The following TET1 variants were observed in gnomAD, a reference collection of about 807,000 sequenced individuals.
TET1 encodes the protein methylcytosine dioxygenase TET1.
Under a neutral mutation model 148.7 loss-of-function variants are expected in TET1, and 13 were observed. That is an observed-to-expected ratio of 0.09 (90% CI 0.06 to 0.14). The LOEUF (loss-of-function observed/expected upper bound fraction) is 0.14, where lower values mean the gene tolerates loss of function less well. TET1 is among the 10% of genes least tolerant of loss of function. The pLI, the probability that TET1 is intolerant of heterozygous loss-of-function variation, is 1.00. For synonymous variants in TET1, 907 were observed against 937.2 expected (o/e 0.97, Z 0.59); for missense variants, 2,182 against 2,553.8 (o/e 0.85, Z 3.14).
chr10:68,569,322 G>A (rs1407512366), intron 1 of TET1, among the ~76,000 whole-genome samples: 3 of 151,706 alleles, frequency 2.0e-5, no homozygotes, highest in Non-Finnish European at 4.4e-5. Flanking sequence ...ACAGGTGCCC[G>A]CCACCAGGCC....
At chr10:68,636,954 GA>G (rs1334826102) in intron 3 of TET1, among the ~76,000 whole-genome samples, 5 of 110,114 alleles carry the variant, frequency 4.5e-5, no homozygotes, top group South Asian at 3.4e-4. Context: ...TTTAGCAGCT[GA>G]CTTTTGTTTT....
intron 2 of TET1, among the ~76,000 whole-genome samples, chr10:68,578,901 C>T (rs779635345): frequency 8.6e-5 from 13 of 152,024 alleles, no homozygotes; most frequent in Non-Finnish European, 1.5e-4. Flanking sequence ...CCTGTGGTCC[C>T]AGCTACTTGG....
rs538324486 is a variant in TET1, at chr10:68,693,898, T to C, written c.*2084T>C. The C allele has an allele frequency of 1.1e-4, 25 of 228,388 alleles. No individual in the cohort carries two copies. The highest frequency in any genetic ancestry group is 1.9e-4 in the Non-Finnish European group (22 of 115,608). 14.1% of individuals were successfully genotyped at this position (228,388 alleles called of 1,614,324 possible). A position where few individuals can be genotyped will look rare whatever the true frequency, so the allele number is the denominator to read the frequency against. On this transcript the variant is annotated 3_prime_UTR_variant, in exon 12 of 12. Coordinates refer to ENST00000373644, the MANE Select transcript of TET1 (RefSeq NM_030625.3). The stretch of plus-strand genomic sequence containing the variant: ...GCTCTTTATGCATCCACTCATCTAC[T>C]CATTCTTCGAGTCTACACTTATTGA...
chr10:68,578,974 G>A (rs778661099), intron 2 of TET1, among the ~76,000 whole-genome samples: 6 of 152,012 alleles, frequency 3.9e-5, no homozygotes, highest in Admixed American at 2.6e-4. Flanking sequence ...CTATGATCGC[G>A]CCACTGCACT....
At position 68,645,439 on chromosome 10, in the gene TET1, C is replaced by T. The variant is rs1465708998; in HGVS notation, c.2710C>T (p.Pro904Ser). Residue 904 changes from proline (P) to serine (S), a missense_variant, in exon 4 of 12, where the codon CCA becomes TCA. This residue lies in a region of TET1 where 582 missense variants were observed against 599.5 expected (regional missense o/e 0.97). Transcript: ENST00000373644. Reference sequence around the variant, plus strand: ...GGCCCTGACTCAACTCTCAGAAGCCCCATCAGAGAATTCCTCCCCATCAAA... The same window carrying T: ...GGCCCTGACTCAACTCTCAGAAGCCTCATCAGAGAATTCCTCCCCATCAAA... ...IEALTQLSEA[P>S]SENSSPSKSE... 6.2e-7 allele frequency: 1 copy of T among 1,613,874 alleles called. No homozygotes were observed. Among genetic ancestry groups the T allele is most frequent in the Non-Finnish European group, 8.5e-7 (1 of 1,180,024 alleles).
At chr10:68,610,285 AAAAC>A (rs993735927) in intron 3 of TET1, among the ~76,000 whole-genome samples, 8 of 151,840 alleles carry the variant, frequency 5.3e-5, no homozygotes, top group Admixed American at 2.0e-4. Flanking sequence ...TCTGTCTCAA[AAAAC>A]AAACAAACAA....
rs367686516 is a variant in TET1 at position 68,686,461 on chromosome 10, G to A, written c.5158G>A (p.Gly1720Ser). 9 of 1,613,992 alleles carry A rather than the reference G, an allele frequency of 5.6e-6. No homozygotes were observed. The African/African-American group carries it at 8.0e-5, about 14-fold the overall frequency. The change falls in exon 11 of 12, where the codon GGC becomes AGC. Residue 1720 changes from glycine to serine, a missense_variant. Coordinates refer to ENST00000373644, the MANE Select transcript of TET1 (RefSeq NM_030625.3). ...TAAGCTTTCAGACACAGATGAGTTTGGCTCCAAGGAAGGAATGGAAGCCAA... is the reference window on the plus strand; with the variant it reads ...TAAGCTTTCAGACACAGATGAGTTTAGCTCCAAGGAAGGAATGGAAGCCAA... ...LYKLSDTDEF[G>S]SKEGMEAKIK...
At chr10:68,569,538 A>T (rs574305475) in intron 1 of TET1, among the ~76,000 whole-genome samples, 3 of 152,206 alleles carry the variant, frequency 2.0e-5, no homozygotes, top group African/African-American at 7.2e-5. Flanking sequence ...CAAACAGATG[A>T]TACTTCTCCC....
At chr10:68,614,985 T>TC (rs1235512307) in intron 3 of TET1, among the ~76,000 whole-genome samples, 1 of 151,814 alleles carries the variant, frequency 6.6e-6, no homozygotes, top group Non-Finnish European at 1.5e-5. Flanking sequence ...ATGTTGGCAC[T>TC]CCAACGTGGT....
intron 1 of TET1, among the ~76,000 whole-genome samples, chr10:68,566,669 T>C (rs1363239347): frequency 6.6e-6 from 1 of 152,196 alleles, no homozygotes; most frequent in Admixed American, 6.5e-5. Flanking sequence ...ATTGACTAAA[T>C]GTAGTGTGCT....
chr10:68,593,479 G>A (rs2053942566), intron 2 of TET1, among the ~76,000 whole-genome samples: 1 of 151,966 alleles, frequency 6.6e-6, no homozygotes. Context: ...GTCTCACTCT[G>A]TTGCCCAGGC....
intron 6 of TET1, among the ~76,000 whole-genome samples, chr10:68,666,471 T>C (rs2055197113): frequency 6.6e-6 from 1 of 152,160 alleles, no homozygotes. Flanking sequence ...GAGTTCTTGG[T>C]TATTTCCATC....
At position 68,564,426 on chromosome 10, in the gene TET1, G is replaced by A. The variant is rs180948071; in HGVS notation, c.-123+3684G>A. Reference sequence around the variant, plus strand: ...AGCTTCCCAAAGTGCTGGGATTATAGGTGTGAGCCACCACGCCTGGCCAAA... The same window carrying A: ...AGCTTCCCAAAGTGCTGGGATTATAAGTGTGAGCCACCACGCCTGGCCAAA... On this transcript the variant is annotated intron_variant, in intron 1 of 11. Coordinates refer to ENST00000373644, the MANE Select transcript of TET1 (RefSeq NM_030625.3). Among the ~76,000 whole-genome samples the A allele has an allele frequency of 1.1e-4, 17 of 152,192 alleles. No individual in the cohort carries two copies. In the East Asian group the frequency reaches 3.1e-3, roughly 28 times the overall value.
intron 7 of TET1, among the ~76,000 whole-genome samples, chr10:68,671,354 T>G (rs113872915): frequency 0.072 from 10,966 of 152,314 alleles, 1,357 homozygotes; most frequent in African/African-American, 0.25. Context: ...TTAGCTTTAT[T>G]CATGTTCCCA....
At position 68,691,370 on chromosome 10, in the gene TET1, C is replaced by T; in HGVS notation, c.5967C>T (p.His1989=). 1 of 1,614,180 alleles carries T rather than the reference C, an allele frequency of 6.2e-7. No homozygotes were observed. The highest frequency in any genetic ancestry group is 8.5e-7 in the Non-Finnish European group (1 of 1,180,044). The part of the protein sequence containing the change: ...PLSPAEEKLP[H]IDEYWSDSEH... Reference sequence around the variant, plus strand: ...CACCTGCTGAGGAGAAATTGCCCCACATTGATGAGTATTGGTCAGACAGTG... The same window carrying T: ...CACCTGCTGAGGAGAAATTGCCCCATATTGATGAGTATTGGTCAGACAGTG... The change falls in exon 12 of 12, where the codon CAC becomes CAT. Residue 1989 remains histidine, a synonymous_variant. Coordinates refer to ENST00000373644, the MANE Select transcript of TET1 (RefSeq NM_030625.3). This position sits in a 1 kb window ranked among gnomAD's most constrained non-coding sequence, Gnocchi z 4.4.
At chr10:68,561,409 G>T (rs2053551538) in intron 1 of TET1, among the ~76,000 whole-genome samples, 1 of 152,196 alleles carries the variant, frequency 6.6e-6, no homozygotes, top group Admixed American at 6.5e-5. Context: ...GTAAGGATCA[G>T]GGAAGAAGGG....
intron 7 of TET1, among the ~76,000 whole-genome samples, chr10:68,668,871 G>C (rs1011918153): frequency 3.9e-5 from 6 of 152,118 alleles, no homozygotes; most frequent in Admixed American, 1.3e-4. Context: ...GTAGTCCTTA[G>C]GTAATTAGGA....
In TET1 at chr10:68,572,537, C is replaced by T. The variant is rs761167266; in HGVS notation, c.199C>T (p.Pro67Ser). 50 of 1,613,902 alleles carry T rather than the reference C, an allele frequency of 3.1e-5. No homozygotes were observed. Among genetic ancestry groups the T allele is most frequent in the Non-Finnish European group, 4.0e-5 (47 of 1,180,008 alleles). The change falls in exon 2 of 12, where the codon CCC becomes TCC. Residue 67 changes from proline to serine, a missense_variant. This residue lies in a region of TET1 where 665 missense variants were observed against 672.4 expected (regional missense o/e 0.99). Coordinates refer to ENST00000373644, the MANE Select transcript of TET1 (RefSeq NM_030625.3). ...DVKKKTEPKP[P>S]VPVRSLLTRA... ...TAAGAAAAAAACAGAACCTAAACCA[C>T]CCGTGCCAGTCAGAAGCCTTCTGAC...
Position 68,573,086 on chromosome 10 carries a change from G to T in TET1, c.748G>T (p.Ala250Ser), listed in dbSNP as rs768482004. ...AATGTTTGCTCAGGACACAGTGTGT[G>T]CTCCTTTTCCCCAAAGAGCAACCCC... ...PKMFAQDTVC[A>S]PFPQRATPKV... Residue 250 changes from alanine to serine, a missense_variant, in exon 2 of 12, where the codon GCT becomes TCT. By Grantham distance (99) the Ala-to-Ser change is moderately conservative. Transcript: ENST00000373644. 1.1e-5 allele frequency: 17 copies of T among 1,613,984 alleles called. No individual in the cohort carries two copies. The highest frequency in any genetic ancestry group is 1.4e-5 in the Non-Finnish European group (17 of 1,180,046).
Sources: allele counts gnomAD v4.1 joint callset (sites outside exome capture counted in the v4.1 genomes callset), GRCh38; gene constraint gnomAD v4.1.1; regional missense constraint gnomAD v4.1.1; non-coding constraint Gnocchi (gnomAD v3.1); transcripts MANE v1.5; gene names NCBI Gene and HGNC (gene_info 2026-07-23, HGNC 2026-07-21).